Variants in DOCK3 observed in about 807,000 individuals in gnomAD.
DOCK3 encodes dedicator of cytokinesis protein 3.
DOCK3 carries 60 observed loss-of-function variants against 265.6 expected under a neutral mutation model. That is an observed-to-expected ratio of 0.23 (90% CI 0.18 to 0.28). The LOEUF is 0.28. Ranked by LOEUF, DOCK3 falls within the 10% of genes least tolerant of loss-of-function variation. The pLI, the probability that DOCK3 is intolerant of heterozygous loss-of-function variation, is 1.00. For missense variants in DOCK3, 1,981 were observed against 2,594.3 expected (o/e 0.76, Z 5.14); for synonymous variants, 881 against 938.0 (o/e 0.94, Z 1.11).
At chr3:50,955,629 A>G (rs1219520712) in intron 5 of DOCK3, among the ~76,000 whole-genome samples, 3 of 152,174 alleles carry the variant, frequency 2.0e-5, no homozygotes, top group Non-Finnish European at 4.4e-5. Context: ...TGGAAGCTAA[A>G]TGATAACACA....
intron 9 of DOCK3, among the ~76,000 whole-genome samples, chr3:51,092,271 T>G (rs748207304): frequency 6.6e-6 from 1 of 152,168 alleles, no homozygotes; most frequent in African/African-American, 2.4e-5. Context: ...TGGCTTGAAA[T>G]TCTCACTGCC....
At chr3:51,203,862 G>A (rs532337598) in intron 12 of DOCK3, among the ~76,000 whole-genome samples, 137 of 152,138 alleles carry the variant, frequency 9.0e-4, no homozygotes, top group African/African-American at 1.1e-3. Context: ...ATAACTCCGC[G>A]TATCTACAAC....
intron 5 of DOCK3, among the ~76,000 whole-genome samples, chr3:50,995,950 G>C (rs1225444344): frequency 6.6e-6 from 1 of 152,118 alleles, no homozygotes; most frequent in African/African-American, 2.4e-5. Context: ...AGGCTGGGGT[G>C]CAGTGGTGCG....
chr3:50,740,688 G>A (rs9877682), intron 1 of DOCK3, among the ~76,000 whole-genome samples: 1,623 of 152,000 alleles, frequency 0.011, 39 homozygotes, highest in African/African-American at 0.036. Flanking sequence ...AAATTAGGTT[G>A]TTTTCTCATT....
At chr3:50,868,491 A>G (rs2047255903) in intron 3 of DOCK3, among the ~76,000 whole-genome samples, 1 of 152,022 alleles carries the variant, frequency 6.6e-6, no homozygotes, top group South Asian at 2.1e-4. Context: ...CTCATACCTC[A>G]GATCCCCAAG....
chr3:51,211,319 G>T (rs1429745564), intron 13 of DOCK3, among the ~76,000 whole-genome samples: 1 of 151,978 alleles, frequency 6.6e-6, no homozygotes, highest in Admixed American at 6.6e-5. Context: ...AGTGAGACCA[G>T]ATTAACAGAG....
At chr3:51,102,099 C>T (rs769200982) in intron 9 of DOCK3, among the ~76,000 whole-genome samples, 3 of 152,188 alleles carry the variant, frequency 2.0e-5, no homozygotes, top group Non-Finnish European at 4.4e-5. Context: ...CTTGGAGAAA[C>T]AGCTCAACTG....
intron 3 of DOCK3, among the ~76,000 whole-genome samples, chr3:50,880,255 A>G (rs1033038963): frequency 5.3e-5 from 8 of 152,232 alleles, no homozygotes; most frequent in African/African-American, 1.9e-4. Flanking sequence ...TTCAAAAGCT[A>G]GCAGAAGGCA....
Position 50,674,936 on chromosome 3 carries a change from G to A in DOCK3, c.-328G>A, listed in dbSNP as rs1405958769. The A allele has an allele frequency of 6.7e-6, 1 of 148,742 alleles. No homozygotes were observed. Among genetic ancestry groups the A allele is most frequent in the Non-Finnish European group, 1.5e-5 (1 of 66,912 alleles). 9.2% of individuals were successfully genotyped at this position (148,742 alleles called of 1,614,324 possible). On this transcript the variant is annotated 5_prime_UTR_variant, in exon 1 of 53. Coordinates refer to ENST00000266037, the MANE Select transcript of DOCK3 (RefSeq NM_004947.5). The surrounding 1 kb of genome is among the most constrained non-coding windows in gnomAD (Gnocchi z 4.3). ...TGCGCGGGCGTCCTGCGAGCCCGCT[G>A]GGGCGAGCCGAGCCGCGGCGGCGCC...
In DOCK3 at chr3:50,778,708, G is replaced by T; in HGVS notation, c.71G>T (p.Gly24Val). Residue 24 changes from glycine to valine, a missense_variant, in exon 2 of 53, where the codon GGG becomes GTG. Around this residue, in one of 4 missense-constraint regions of DOCK3, gnomAD observed 456 missense variants for 539.0 expected, o/e 0.85. Coordinates refer to ENST00000266037, the MANE Select transcript of DOCK3 (RefSeq NM_004947.5). Reference protein sequence around the residue: ...ICSFRGSVPQGLVLEIGETVQ... With the variant: ...ICSFRGSVPQVLVLEIGETVQ... ...AGCTTTCGAGGATCTGTCCCTCAAG[G>T]GTTGGTCTTAGAAATAGGAGAAACA... 6.3e-7 allele frequency: 1 copy of T among 1,589,586 alleles called. No homozygotes were observed. Among genetic ancestry groups the T allele is most frequent in the East Asian group, 2.3e-5 (1 of 44,316 alleles).
intron 12 of DOCK3, among the ~76,000 whole-genome samples, chr3:51,161,521 G>T (rs2086143263): frequency 6.6e-6 from 1 of 152,146 alleles, no homozygotes; most frequent in African/African-American, 2.4e-5. Flanking sequence ...TGGGGCCCAG[G>T]CAGCATTATT....
At chr3:51,225,895 T>A in intron 15 of DOCK3, 122 bp downstream of exon 15, 1 of 1,301,222 alleles carries the variant, frequency 7.7e-7, no homozygotes, top group Non-Finnish European at 1.0e-6. Flanking sequence ...CCTTTTTCTC[T>A]GCCTTTTTCT....
intron 12 of DOCK3, among the ~76,000 whole-genome samples, chr3:51,181,200 C>T (rs968624845): frequency 1.3e-5 from 2 of 151,984 alleles, no homozygotes; most frequent in African/African-American, 4.8e-5. Flanking sequence ...AGGTTTGTTA[C>T]ATATGTATAC....
At chr3:50,820,249 C>T (rs1576538901) in intron 2 of DOCK3, among the ~76,000 whole-genome samples, 2 of 152,290 alleles carry the variant, frequency 1.3e-5, no homozygotes, top group East Asian at 1.9e-4. Flanking sequence ...TTCCTTCCTG[C>T]ATGAAGCCAA....
Position 51,356,232 on chromosome 3 carries a change from A to G in DOCK3, c.4393A>G (p.Lys1465Glu). Residue 1465 changes from lysine (K) to glutamate (E), a missense_variant, in exon 42 of 53, where the codon AAG becomes GAG. This residue lies in a region of DOCK3 where 1,357 missense variants were observed against 1,866.8 expected (regional missense o/e 0.73). Transcript: ENST00000266037. Reference sequence around the variant, plus strand: ...TGACAGGCCTTTTCACAAAGGCCCCAAGGACAAGGAGAATGAATTCAAGGT... The same window carrying G: ...TGACAGGCCTTTTCACAAAGGCCCCGAGGACAAGGAGAATGAATTCAAGGT... ...RYDRPFHKGP[K>E]DKENEFKSLW... The G allele has an allele frequency of 6.2e-7, 1 of 1,612,750 alleles. No homozygotes were observed. Among genetic ancestry groups the G allele is most frequent in the Non-Finnish European group, 8.5e-7 (1 of 1,179,762 alleles).
intron 4 of DOCK3, among the ~76,000 whole-genome samples, chr3:50,925,435 C>T (rs369156246): frequency 2.6e-5 from 4 of 152,028 alleles, no homozygotes; most frequent in Non-Finnish European, 4.4e-5. Flanking sequence ...CTTGGGTCCT[C>T]GGGAGGCTGA....
At chr3:51,353,540 A>T (rs929203515) in intron 40 of DOCK3, among the ~76,000 whole-genome samples, 28 of 152,296 alleles carry the variant, frequency 1.8e-4, no homozygotes, top group African/African-American at 6.3e-4. Context: ...TGAACCCGGG[A>T]GGCATAGATT....
intron 1 of DOCK3, among the ~76,000 whole-genome samples, chr3:50,751,400 G>A (rs1281324705): frequency 2.0e-5 from 3 of 151,974 alleles, no homozygotes; most frequent in Non-Finnish European, 4.4e-5. Context: ...TCAGGTATTT[G>A]TCCTAATGCT....
intron 4 of DOCK3, among the ~76,000 whole-genome samples, chr3:50,922,449 C>G (rs1157847629): frequency 1.3e-5 from 2 of 152,256 alleles, no homozygotes; most frequent in Non-Finnish European, 1.5e-5. Flanking sequence ...CAGTTACTGT[C>G]TGTCATGGCT....
Sources: allele counts gnomAD v4.1 joint callset (sites outside exome capture counted in the v4.1 genomes callset), GRCh38; gene constraint gnomAD v4.1.1; regional missense constraint gnomAD v4.1.1; non-coding constraint Gnocchi (gnomAD v3.1); transcripts MANE v1.5; gene names NCBI Gene and HGNC (gene_info 2026-07-23, HGNC 2026-07-21).